AKAP6: variants seen among roughly 807,000 people sequenced by gnomAD.
The protein encoded by AKAP6 is A-kinase anchor protein 6.
In AKAP6, 58 loss-of-function variants were observed where a neutral mutation model predicts 188.5. The observed-to-expected ratio is 0.31, with a 90% CI of 0.25 to 0.38. The LOEUF (loss-of-function observed/expected upper bound fraction) is 0.38. Among genes scored for constraint, AKAP6 ranks in the 10% least tolerant of loss-of-function variants. The probability of loss-of-function intolerance (pLI) is 1.00; values close to 1 mark genes in which losing one functional copy is unlikely to be tolerated. For synonymous variants in AKAP6, 989 were observed against 998.6 expected, an observed-to-expected ratio of 0.99 and a Z score of 0.18; for missense variants, 2,710 against 2,740.0, an observed-to-expected ratio of 0.99 and a Z score of 0.24.
intron 4 of AKAP6, among the ~76,000 whole-genome samples, chr14:32,567,222 A>G (rs992387793): frequency 1.3e-5 from 2 of 152,154 alleles, no homozygotes; most frequent in African/African-American, 4.8e-5. Context: ...TGCCCAGCCT[A>G]CTTACCTTTT....
rs1295815094 is a variant in AKAP6 at position 32,568,593 on chromosome 14, A to G, written c.2347-8527A>G. Among the ~76,000 whole-genome samples the G allele has an allele frequency of 6.6e-6, 1 of 152,134 alleles. No homozygotes were observed. The highest frequency in any genetic ancestry group is 2.4e-5 in the African/African-American group (1 of 41,432). On this transcript the variant is annotated intron_variant, in intron 4 of 13. Coordinates refer to ENST00000280979, the MANE Select transcript of AKAP6 (RefSeq NM_004274.5). The surrounding 1 kb of genome is among the most constrained non-coding windows in gnomAD (Gnocchi z 6.2). ...CTGATCTGCTTATCCAGTGTCTTGG[A>G]GGATTGGGGGTGCTTGAAGCAAGGT...
chr14:32,563,663 C>T (rs543038337), intron 4 of AKAP6, among the ~76,000 whole-genome samples: 1 of 152,164 alleles, frequency 6.6e-6, no homozygotes, highest in Non-Finnish European at 1.5e-5. Context: ...CTTCGCCCTT[C>T]GTGGGACCTG....
chr14:32,364,070 G>A (rs528756098), intron 1 of AKAP6, among the ~76,000 whole-genome samples: 1 of 152,342 alleles, frequency 6.6e-6, no homozygotes, highest in East Asian at 1.9e-4. Flanking sequence ...CATCTGAGTG[G>A]TAGGAGAGAG....
intron 1 of AKAP6, among the ~76,000 whole-genome samples, chr14:32,412,401 A>G (rs3784183): frequency 0.63 from 96,411 of 152,066 alleles, 32,970 homozygotes; most frequent in Non-Finnish European, 0.76. Flanking sequence ...TCTTTTTTGT[A>G]TCTTTTGGAA....
At chr14:32,480,017 G>A (rs1879258431) in intron 2 of AKAP6, among the ~76,000 whole-genome samples, 1 of 152,106 alleles carries the variant, frequency 6.6e-6, no homozygotes, top group Non-Finnish European at 1.5e-5. Context: ...GCTGATTTAG[G>A]ATTTCCTGGG....
intron 1 of AKAP6, among the ~76,000 whole-genome samples, chr14:32,395,484 G>A (rs1247853481): frequency 6.6e-6 from 1 of 152,078 alleles, no homozygotes; most frequent in Non-Finnish European, 1.5e-5. Flanking sequence ...GGAATTTGGG[G>A]GAAATCAAGC....
chr14:32,832,325 C>A lies in AKAP6; in HGVS notation c.*2520C>A, dbSNP rs543531088. On this transcript the variant is annotated 3_prime_UTR_variant, in exon 14 of 14. Transcript: ENST00000280979. ...TATGGTATTATTTTACATACTGACA[C>A]AACCTAAATTTTCTTTGGGTAGTAA... The A allele has an allele frequency of 6.6e-6, 1 of 152,090 alleles. No homozygotes were observed. The highest frequency in any genetic ancestry group is 2.1e-4 in the South Asian group (1 of 4,832). The allele number at this position is 152,090 out of a possible 1,614,324, so 9.4% of individuals were successfully genotyped here.
intron 11 of AKAP6, among the ~76,000 whole-genome samples, chr14:32,740,273 T>A (rs1355369875): frequency 1.3e-5 from 2 of 152,278 alleles, no homozygotes; most frequent in Non-Finnish European, 2.9e-5. Flanking sequence ...ATTCTGGTTA[T>A]TAATCCCTTG....
rs1171976885 is a variant in AKAP6 at position 32,511,451 on chromosome 14, C to T, written c.325-24103C>T. Among the ~76,000 whole-genome samples the T allele has an allele frequency of 3.3e-5, 5 of 149,360 alleles. No homozygotes were observed. The Admixed American group carries it at 3.4e-4, about 10-fold the overall frequency. On this transcript the variant is annotated intron_variant, in intron 2 of 13. Transcript: ENST00000280979. ...GAGTGCAGTGGTGGATCTCAGCTCA[C>T]TGCAACCTCCACCTCCTGGGTTCAA...
chr14:32,412,609 A>G (rs1361194448), intron 1 of AKAP6, among the ~76,000 whole-genome samples: 1 of 152,210 alleles, frequency 6.6e-6, no homozygotes, highest in Non-Finnish European at 1.5e-5. Flanking sequence ...TGCCATAGCC[A>G]AAAGAAATTT....
intron 7 of AKAP6, among the ~76,000 whole-genome samples, chr14:32,607,330 C>T (rs1886165348): frequency 6.6e-6 from 1 of 152,200 alleles, no homozygotes; most frequent in South Asian, 2.1e-4. Flanking sequence ...TATGTGTCGT[C>T]AGTCCCACAT....
intron 2 of AKAP6, among the ~76,000 whole-genome samples, chr14:32,520,561 A>G (rs2139056956): frequency 6.6e-6 from 1 of 152,344 alleles, no homozygotes; most frequent in East Asian, 1.9e-4. Flanking sequence ...AGAGAATACT[A>G]TAAACACCTC....
At chr14:32,488,720 A>T (rs754591949) in intron 2 of AKAP6, among the ~76,000 whole-genome samples, 207 of 152,292 alleles carry the variant, frequency 1.4e-3, no homozygotes, top group Non-Finnish European at 1.8e-3. Context: ...AAAGCATAGT[A>T]TCTGGACCAG....
At chr14:32,550,160 T>C (rs1883389997) in intron 4 of AKAP6, among the ~76,000 whole-genome samples, 1 of 152,252 alleles carries the variant, frequency 6.6e-6, no homozygotes, top group African/African-American at 2.4e-5. Context: ...ATGACTATGA[T>C]ACCAACTTCC....
chr14:32,824,501 G>A lies in AKAP6; in HGVS notation c.6688G>A (p.Gly2230Ser), dbSNP rs2034624869. The change falls in exon 13 of 14, where the codon GGT becomes AGT. Residue 2230 changes from glycine to serine, a missense_variant. Gly to Ser is a moderately conservative substitution (Grantham distance 56, BLOSUM62 0). Coordinates refer to ENST00000280979, the MANE Select transcript of AKAP6 (RefSeq NM_004274.5). ...ERAEVGKEVN[G>S]LPQTSSGCAE... ...AGCTGAGGTTGGAAAGGAAGTGAAT[G>A]GTTTGCCCCAAACTTCCAGTGGCTG... 2 of 1,613,840 alleles carry A rather than the reference G, an allele frequency of 1.2e-6. No individual in the cohort carries two copies. The highest frequency in any genetic ancestry group is 1.7e-5 in the Admixed American group (1 of 59,914).
chr14:32,545,398 A>G lies in AKAP6; in HGVS notation c.745A>G (p.Lys249Glu). The G allele has an allele frequency of 6.2e-7, 1 of 1,614,234 alleles. No homozygotes were observed. The highest frequency in any genetic ancestry group is 8.5e-7 in the Non-Finnish European group (1 of 1,180,022). ...AGGTGACATGACCTCTAGCCAAGTCAAAACCAAACCCTTTGACTCTTGGAG... is the reference window on the plus strand; with the variant it reads ...AGGTGACATGACCTCTAGCCAAGTCGAAACCAAACCCTTTGACTCTTGGAG... The part of the protein sequence containing the change: ...GLGDMTSSQV[K>E]TKPFDSWSYS... The change falls in exon 4 of 14, where the codon AAA (lysine) becomes GAA (glutamate). Residue 249 changes from lysine to glutamate, a missense_variant. By Grantham distance (56) the Lys-to-Glu change is moderately conservative. This residue lies in a region of AKAP6 where 237 missense variants were observed against 313.9 expected (regional missense o/e 0.76). Coordinates refer to ENST00000280979, the MANE Select transcript of AKAP6 (RefSeq NM_004274.5).
intron 12 of AKAP6, among the ~76,000 whole-genome samples, chr14:32,802,078 C>A (rs1481324163): frequency 6.6e-6 from 1 of 152,154 alleles, no homozygotes; most frequent in Non-Finnish European, 1.5e-5. Flanking sequence ...CTACTCCATC[C>A]TTTCTTTGCT....
chr14:32,495,691 T>C (rs183303165), intron 2 of AKAP6, among the ~76,000 whole-genome samples: 241 of 152,344 alleles, frequency 1.6e-3, no homozygotes, highest in African/African-American at 5.6e-3. Context: ...TTTACCTTCC[T>C]CTTTTCTGTT....
intron 9 of AKAP6, among the ~76,000 whole-genome samples, chr14:32,721,656 A>G (rs1365422015): frequency 2.0e-5 from 3 of 152,056 alleles, no homozygotes; most frequent in Non-Finnish European, 2.9e-5. Flanking sequence ...CTTACATTTT[A>G]TGTGGTTGTG....
Sources: gnomAD v4.1 joint callset for allele counts (sites outside exome capture counted in the v4.1 genomes callset) on GRCh38, gnomAD v4.1.1 for gene constraint, gnomAD v4.1.1 regional missense constraint, Gnocchi (gnomAD v3.1) non-coding constraint, MANE v1.5 for transcripts, NCBI Gene and HGNC (gene_info 2026-07-23, HGNC 2026-07-21) for gene names.